LMX1A: variants seen among roughly 807,000 people sequenced by gnomAD.
The protein encoded by LMX1A is LIM homeobox transcription factor 1 alpha.
A neutral mutation model predicts 49.1 loss-of-function variants in LMX1A; 15 were observed. That is an observed-to-expected ratio of 0.31 (90% CI 0.20 to 0.47). LMX1A has a LOEUF of 0.47. Among genes scored for constraint, LMX1A ranks in the 20% least tolerant of loss-of-function variants. The probability of loss-of-function intolerance (pLI) is 1.00; values close to 1 mark genes in which losing one functional copy is unlikely to be tolerated. For synonymous variants in LMX1A, 167 were observed against 185.7 expected, an observed-to-expected ratio of 0.90 and a Z score of 0.82; for missense variants, 372 against 475.8, an observed-to-expected ratio of 0.78 and a Z score of 2.03.
chr1:165,339,359 T>C (rs4638105), intron 3 of LMX1A, among the ~76,000 whole-genome samples: 151,905 of 152,354 alleles, frequency 1, 75,731 homozygotes, highest in Middle Eastern at 1. Flanking sequence ...GACAGGCATG[T>C]GCATAGGCAC....
chr1:165,225,019 T>C (rs1214523055), intron 4 of LMX1A, among the ~76,000 whole-genome samples: 1 of 152,054 alleles, frequency 6.6e-6, no homozygotes, highest in Non-Finnish European at 1.5e-5. Context: ...TAATTAGGGA[T>C]GGAGAGAAGG....
rs751020060 is a variant in LMX1A, at chr1:165,353,285, C to T, written c.77-23G>A. 7.5e-6 allele frequency: 12 copies of T among 1,600,844 alleles called. No homozygotes were observed. The South Asian group carries it at 1.3e-4, about 18-fold the overall frequency. On this transcript the variant is annotated intron_variant, in intron 2 of 8. Coordinates refer to ENST00000342310, the MANE Select transcript of LMX1A (RefSeq NM_177398.4). ...TGCCTGTAGCCACAACAGACGTTGG[C>T]GGGTGAGCAGCCCGGGCAGGTAGAC...
chr1:165,318,519 T>G (rs1655286492), intron 3 of LMX1A, among the ~76,000 whole-genome samples: 1 of 152,216 alleles, frequency 6.6e-6, no homozygotes, highest in Non-Finnish European at 1.5e-5. Context: ...TAAGCTGTGG[T>G]AGATGCTGTG....
At chr1:165,258,961 T>C (rs1321324391) in intron 3 of LMX1A, among the ~76,000 whole-genome samples, 2 of 152,352 alleles carry the variant, frequency 1.3e-5, no homozygotes, top group East Asian at 3.9e-4. Flanking sequence ...ATGAGATATT[T>C]TGGAGATTAA....
chr1:165,256,423 ACT>A (rs1476468329), intron 3 of LMX1A, among the ~76,000 whole-genome samples: 1 of 151,982 alleles, frequency 6.6e-6, no homozygotes, highest in Non-Finnish European at 1.5e-5. Flanking sequence ...AGGAAGGATG[ACT>A]CTGTTTCCTA....
At chr1:165,273,855 A>G (rs1653880246) in intron 3 of LMX1A, among the ~76,000 whole-genome samples, 1 of 152,238 alleles carries the variant, frequency 6.6e-6, no homozygotes, top group Non-Finnish European at 1.5e-5. Context: ...ACTACAAATG[A>G]GGCGCCCTTG....
intron 7 of LMX1A, among the ~76,000 whole-genome samples, chr1:165,206,483 T>C (rs1294423275): frequency 6.6e-6 from 1 of 152,178 alleles, no homozygotes; most frequent in Admixed American, 6.5e-5. Flanking sequence ...ACTTCCTGCC[T>C]CCACATCTTG....
intron 4 of LMX1A, among the ~76,000 whole-genome samples, chr1:165,233,137 A>T (rs1438069241): frequency 6.6e-6 from 1 of 152,218 alleles, no homozygotes. Context: ...ACACAATTGC[A>T]TCCATGGAGA....
intron 4 of LMX1A, among the ~76,000 whole-genome samples, chr1:165,219,742 T>C (rs1429642158): frequency 6.6e-6 from 1 of 152,140 alleles, no homozygotes; most frequent in Non-Finnish European, 1.5e-5. Flanking sequence ...TGACTTGGAG[T>C]TCTTTCATTT....
intron 3 of LMX1A, among the ~76,000 whole-genome samples, chr1:165,311,442 G>A (rs967005940): frequency 2.0e-5 from 3 of 152,174 alleles, no homozygotes; most frequent in African/African-American, 4.8e-5. Context: ...GGGATGACAC[G>A]ACAGGAGTGG....
chr1:165,266,595 CTTTTTTTTTT>C lies in LMX1A; in HGVS notation c.264-16965_264-16956del, dbSNP rs61551654. On this transcript the variant is annotated intron_variant, in intron 3 of 8. Transcript: ENST00000342310. ...CTAATTTTCTTTCTCTTCTTTCTTT[CTTTTTTTTTT>C]TTTTTTTTTTTTTTGAGACAGGGTC... Among the ~76,000 whole-genome samples the C allele has an allele frequency of 1.3e-4, 10 of 79,184 alleles. No individual in the cohort carries two copies. In the South Asian group the frequency reaches 2.2e-3, roughly 17 times the overall value. The allele number at this position is 79,184 out of a possible 152,430, so 51.9% of individuals were successfully genotyped here. A position where few individuals can be genotyped will look rare whatever the true frequency, so the allele number is the denominator to read the frequency against.
intron 3 of LMX1A, among the ~76,000 whole-genome samples, chr1:165,252,049 C>T (rs1487226222): frequency 6.6e-6 from 1 of 152,098 alleles, no homozygotes. Flanking sequence ...AAAATTCTAC[C>T]ATCAGAGTTT....
At chr1:165,234,065 T>A (rs886928080) in intron 4 of LMX1A, among the ~76,000 whole-genome samples, 1 of 152,312 alleles carries the variant, frequency 6.6e-6, no homozygotes, top group African/African-American at 2.4e-5. Flanking sequence ...GTTTACAAAC[T>A]TCTGATCTGA....
rs545819574 is a variant in LMX1A, at chr1:165,251,590, C to T, written c.264-1950G>A. Among the ~76,000 whole-genome samples the T allele has an allele frequency of 2.6e-4, 39 of 152,232 alleles. 1 individual carries two copies. In the South Asian group the frequency reaches 7.9e-3, roughly 31 times the overall value. On this transcript the variant is annotated intron_variant, in intron 3 of 8. Coordinates refer to ENST00000342310, the MANE Select transcript of LMX1A (RefSeq NM_177398.4). ...AAGCATGGGGCATGGCTCCCAGGGT[C>T]CTGGTGGTCAGAGCTGGCAGGTAAT... is the stretch of plus-strand genomic sequence containing the variant.
chr1:165,282,795 T>G (rs1188082013), intron 3 of LMX1A, among the ~76,000 whole-genome samples: 1 of 152,228 alleles, frequency 6.6e-6, no homozygotes, highest in Non-Finnish European at 1.5e-5. Flanking sequence ...ACGGAGTTCC[T>G]GTACTTCTCA....
chr1:165,290,058 C>A (rs1169221322), intron 3 of LMX1A, among the ~76,000 whole-genome samples: 2 of 152,198 alleles, frequency 1.3e-5, no homozygotes, highest in African/African-American at 4.8e-5. Flanking sequence ...ACATACACTG[C>A]ACATTTGGAC....
intron 3 of LMX1A, among the ~76,000 whole-genome samples, chr1:165,315,265 T>C (rs752978888): frequency 5.9e-5 from 9 of 152,132 alleles, no homozygotes; most frequent in Non-Finnish European, 1.0e-4. Flanking sequence ...CTCTGGCCAC[T>C]CCCTCCTTTG....
At chr1:165,204,353 C>T (rs1297568394) in intron 8 of LMX1A, among the ~76,000 whole-genome samples, 3 of 152,050 alleles carry the variant, frequency 2.0e-5, no homozygotes, top group African/African-American at 7.2e-5. Context: ...TCCTATAGGA[C>T]TTGGGCCTGA....
chr1:165,317,749 A>G, intron 3 of LMX1A, among the ~76,000 whole-genome samples: 1 of 152,208 alleles, frequency 6.6e-6, no homozygotes, highest in Non-Finnish European at 1.5e-5. Context: ...GTTCTGGTAA[A>G]TTTCTTGAGA....
Sources: gnomAD v4.1 joint callset for allele counts (sites outside exome capture counted in the v4.1 genomes callset) on GRCh38, gnomAD v4.1.1 for gene constraint, MANE v1.5 for transcripts, NCBI Gene and HGNC (gene_info 2026-07-23, HGNC 2026-07-21) for gene names.